The following KCTD8 variants were observed in gnomAD, a reference collection of about 807,000 sequenced individuals.
KCTD8 encodes the protein potassium channel tetramerization domain containing 8.
KCTD8 carries 27 observed loss-of-function variants against 31.5 expected under a neutral mutation model. The ratio of observed to expected loss-of-function variants is 0.86; its 90% CI spans 0.63 to 1.18. KCTD8 has a LOEUF of 1.18. KCTD8 is among the 50% of genes most tolerant of loss of function. The pLI is 0.00. For missense variants in KCTD8, 658 were observed against 647.7 expected, an observed-to-expected ratio of 1.02 and a Z score of -0.17; for synonymous variants, 290 against 280.0, an observed-to-expected ratio of 1.04 and a Z score of -0.36.
intron 1 of KCTD8, among the ~76,000 whole-genome samples, chr4:44,312,852 T>A (rs1298165036): frequency 1.3e-5 from 2 of 152,118 alleles, no homozygotes; most frequent in African/African-American, 4.8e-5. Context: ...GGGCCAGGAT[T>A]TTCCTCCTCT....
intron 1 of KCTD8, among the ~76,000 whole-genome samples, chr4:44,315,292 A>C (rs1296519653): frequency 6.6e-6 from 1 of 152,052 alleles, no homozygotes; most frequent in African/African-American, 2.4e-5. Flanking sequence ...TTCTTAAAAA[A>C]TTTTAAGAAA....
intron 1 of KCTD8, among the ~76,000 whole-genome samples, chr4:44,202,350 CACAATAGCAA>C (rs1237013869): frequency 1.3e-5 from 2 of 152,074 alleles, no homozygotes; most frequent in African/African-American, 4.8e-5. Context: ...CAGCACTATT[CACAATAGCAA>C]AGACATGGAA....
At chr4:44,320,491 G>A (rs2109405641) in intron 1 of KCTD8, among the ~76,000 whole-genome samples, 1 of 152,256 alleles carries the variant, frequency 6.6e-6, no homozygotes, top group East Asian at 1.9e-4. Flanking sequence ...CAGATATATA[G>A]CTATGCCTAC....
chr4:44,443,028 G>A (rs1272263807), intron 1 of KCTD8, among the ~76,000 whole-genome samples: 1 of 152,178 alleles, frequency 6.6e-6, no homozygotes, highest in Non-Finnish European at 1.5e-5. Context: ...CGGTGTCATA[G>A]CACAGCCTCT....
chr4:44,384,608 G>T (rs190177136), intron 1 of KCTD8, among the ~76,000 whole-genome samples: 3 of 151,712 alleles, frequency 2.0e-5, no homozygotes, highest in Non-Finnish European at 4.4e-5. Context: ...GTTGAATAGC[G>T]GTTCCTAGAA....
intron 1 of KCTD8, among the ~76,000 whole-genome samples, chr4:44,387,678 A>C (rs1318509109): frequency 6.6e-6 from 1 of 151,692 alleles, no homozygotes; most frequent in Non-Finnish European, 1.5e-5. Flanking sequence ...ATACAGAAGA[A>C]ACTGGACTCC....
chr4:44,433,581 G>A (rs1486952416), intron 1 of KCTD8, among the ~76,000 whole-genome samples: 1 of 151,536 alleles, frequency 6.6e-6, no homozygotes, highest in Non-Finnish European at 1.5e-5. Context: ...ATACCCCATA[G>A]ATTCTGTACT....
chr4:44,437,439 A>G (rs1477000670), intron 1 of KCTD8, among the ~76,000 whole-genome samples: 2 of 152,176 alleles, frequency 1.3e-5, no homozygotes, highest in Non-Finnish European at 2.9e-5. Context: ...CGGTTAATGA[A>G]TGCATGAATA....
At chr4:44,250,132 A>G (rs1263438240) in intron 1 of KCTD8, among the ~76,000 whole-genome samples, 2 of 151,782 alleles carry the variant, frequency 1.3e-5, no homozygotes, top group Non-Finnish European at 2.9e-5. Context: ...CATGTGTAAG[A>G]TTATACATGT....
At chr4:44,317,604 C>A (rs1197102220) in intron 1 of KCTD8, among the ~76,000 whole-genome samples, 2 of 152,178 alleles carry the variant, frequency 1.3e-5, no homozygotes, top group Non-Finnish European at 2.9e-5. Context: ...ACACTTACTA[C>A]ACGATCCTCT....
chr4:44,301,838 T>C lies in KCTD8; in HGVS notation c.962-126588A>G, dbSNP rs528661320. Among the ~76,000 whole-genome samples the C allele has an allele frequency of 3.3e-5, 5 of 152,360 alleles. No homozygotes were observed. The East Asian group carries it at 9.6e-4, about 29-fold the overall frequency. ...AATGCCTGGGTTTTCTTCTAGGGTT[T>C]CTATGGTTTTAGTTCTAACATTTAA... On this transcript the variant is annotated intron_variant, in intron 1 of 1. Transcript: ENST00000360029.
chr4:44,420,728 A>C (rs1287810531), intron 1 of KCTD8, among the ~76,000 whole-genome samples: 1 of 152,178 alleles, frequency 6.6e-6, no homozygotes, highest in East Asian at 1.9e-4. Flanking sequence ...AAGATCAGAA[A>C]TATCCTGAGA....
chr4:44,318,082 C>G (rs995958034), intron 1 of KCTD8, among the ~76,000 whole-genome samples: 4 of 152,204 alleles, frequency 2.6e-5, no homozygotes, highest in Admixed American at 2.0e-4. Flanking sequence ...CTGCTTATAT[C>G]TGGTATCATT....
chr4:44,282,016 C>CA (rs903596041), intron 1 of KCTD8, among the ~76,000 whole-genome samples: 4 of 151,882 alleles, frequency 2.6e-5, no homozygotes, highest in African/African-American at 9.7e-5. Flanking sequence ...TATCCTAAAA[C>CA]AAAAAAGAAA....
chr4:44,420,228 T>G (rs954705810), intron 1 of KCTD8, among the ~76,000 whole-genome samples: 1 of 151,980 alleles, frequency 6.6e-6, no homozygotes, highest in Non-Finnish European at 1.5e-5. Flanking sequence ...CACTCAAAAC[T>G]TTAAACAAAA....
intron 1 of KCTD8, among the ~76,000 whole-genome samples, chr4:44,342,264 G>A (rs1233628097): frequency 2.0e-5 from 3 of 151,666 alleles, no homozygotes; most frequent in East Asian, 3.9e-4. Flanking sequence ...AGCTACTCTG[G>A]AGGCTGAGGC....
intron 1 of KCTD8, among the ~76,000 whole-genome samples, chr4:44,344,718 G>C (rs1241957523): frequency 6.6e-6 from 1 of 152,086 alleles, no homozygotes; most frequent in Non-Finnish European, 1.5e-5. Flanking sequence ...TAATGGCCAA[G>C]GAGTTGATTC....
At chr4:44,344,747 T>G (rs1175013197) in intron 1 of KCTD8, among the ~76,000 whole-genome samples, 1 of 152,214 alleles carries the variant, frequency 6.6e-6, no homozygotes, top group East Asian at 1.9e-4. Context: ...CTTATATTAA[T>G]TTTTCAATTA....
chr4:44,400,483 C>T (rs1720619692), intron 1 of KCTD8, among the ~76,000 whole-genome samples: 2 of 151,902 alleles, frequency 1.3e-5, no homozygotes, highest in Admixed American at 6.6e-5. Flanking sequence ...AATCCCAACA[C>T]TTTGGGAGGC....
Sources: gnomAD v4.1 joint callset for allele counts (sites outside exome capture counted in the v4.1 genomes callset) on GRCh38, gnomAD v4.1.1 for gene constraint, MANE v1.5 for transcripts, NCBI Gene and HGNC (gene_info 2026-07-23, HGNC 2026-07-21) for gene names.